The following VWF variants were observed in gnomAD, a reference collection of about 807,000 sequenced individuals.
The protein encoded by VWF is Factor VIII related antigen.
A neutral mutation model predicts 308.6 loss-of-function variants in VWF; 176 were observed. The observed-to-expected ratio is 0.57, with a 90% CI of 0.50 to 0.65. VWF has a LOEUF of 0.65. Ranked by LOEUF, VWF falls within the 30% of genes least tolerant of loss-of-function variation. The probability of loss-of-function intolerance (pLI) is 0.00; values close to 1 mark genes in which losing one functional copy is unlikely to be tolerated. For missense variants in VWF, 3,146 were observed against 3,648.2 expected (o/e 0.86, Z 3.55); for synonymous variants, 1,385 against 1,443.4 (o/e 0.96, Z 0.92).
At chr12:5,981,633 G>T (rs1943606523) in intron 42 of VWF, among the ~76,000 whole-genome samples, 153 bp downstream of exon 42, 3 of 152,080 alleles carry the variant, frequency 2.0e-5, no homozygotes, top group Admixed American at 2.0e-4. Flanking sequence ...TGCTGGGTAG[G>T]ATGCAAATCT....
In VWF at chr12:5,983,025, C is replaced by A. The variant is rs930958626; in HGVS notation, c.7081+125G>T. 5.9e-6 allele frequency: 6 copies of A among 1,012,388 alleles called. No homozygotes were observed. The South Asian group carries it at 7.0e-5, about 12-fold the overall frequency. 62.7% of individuals were successfully genotyped at this position (1,012,388 alleles called of 1,614,324 possible). A position where few individuals can be genotyped will look rare whatever the true frequency, so the allele number is the denominator to read the frequency against. On this transcript the variant is annotated intron_variant, in intron 41 of 51. Transcript: ENST00000261405. ...CCCTCTGTTCCAGATGTACTCCCAA[C>A]CCAGATTCAGCTAGGTAGAAAACAG...
At chr12:6,085,205 C>T (rs554314486) in intron 6 of VWF, among the ~76,000 whole-genome samples, 4 of 152,206 alleles carry the variant, frequency 2.6e-5, no homozygotes, top group Non-Finnish European at 5.9e-5. Flanking sequence ...CAGTCTAGGG[C>T]CTACCAAGCT....
In VWF at chr12:6,103,454, A is replaced by ATGTGTATATACACATATG. The variant is rs1443874871; in HGVS notation, c.532+6902_532+6919dup. Among the ~76,000 whole-genome samples the ATGTGTATATACACATATG allele has an allele frequency of 8.5e-5, 8 of 94,076 alleles. 1 individual carries two copies. Among genetic ancestry groups the ATGTGTATATACACATATG allele is most frequent in the Non-Finnish European group, 1.4e-4 (7 of 49,160 alleles). The allele number at this position is 94,076 out of a possible 152,430, so 61.7% of individuals were successfully genotyped here. ...CACGTGTGTATATACATACACATAT[A>ATGTGTATATACACATATG]TGTGTATATACACATATGTGTGTAT... On this transcript the variant is annotated intron_variant, in intron 5 of 51. Coordinates refer to ENST00000261405, the MANE Select transcript of VWF (RefSeq NM_000552.5).
chr12:6,043,796 A>G (rs1944417553), intron 18 of VWF, among the ~76,000 whole-genome samples: 1 of 152,222 alleles, frequency 6.6e-6, no homozygotes, highest in Non-Finnish European at 1.5e-5. Context: ...GAGGAAAACA[A>G]GTTTCATTGT....
chr12:6,069,066 A>G (rs140551742), intron 10 of VWF, among the ~76,000 whole-genome samples: 1 of 151,688 alleles, frequency 6.6e-6, no homozygotes, highest in South Asian at 2.1e-4. Context: ...CATGTTGCCC[A>G]GGCTGGTCTC....
At chr12:6,113,724 C>A (rs540396389) in intron 3 of VWF, among the ~76,000 whole-genome samples, 1 of 152,318 alleles carries the variant, frequency 6.6e-6, no homozygotes, top group Non-Finnish European at 1.5e-5. Context: ...TGTCGAAAAA[C>A]CAAACAAATG....
chr12:5,999,087 C>A (rs1219635154), intron 34 of VWF, among the ~76,000 whole-genome samples: 2 of 152,140 alleles, frequency 1.3e-5, no homozygotes. Flanking sequence ...AAATCCCACC[C>A]AGCAAAAATC....
At chr12:6,103,529 TATACACATATATGTATAC>T (rs1945206611) in intron 5 of VWF, among the ~76,000 whole-genome samples, 1 of 130,288 alleles carries the variant, frequency 7.7e-6, no homozygotes, top group South Asian at 2.7e-4. Flanking sequence ...CATATGTGTA[TATACACATATATGTATAC>T]ACACACACAC....
At chr12:5,951,644 G>A (rs1420205284) in intron 50 of VWF, among the ~76,000 whole-genome samples, 200 bp downstream of exon 50, 1 of 152,216 alleles carries the variant, frequency 6.6e-6, no homozygotes, top group Non-Finnish European at 1.5e-5. Context: ...GCAGTCTGAT[G>A]ACATCCAAGG....
intron 34 of VWF, among the ~76,000 whole-genome samples, chr12:5,997,713 T>G (rs1943821586): frequency 6.6e-6 from 1 of 152,232 alleles, no homozygotes; most frequent in Non-Finnish European, 1.5e-5. Context: ...TTCAATAGTT[T>G]GTAAATTGCT....
At chr12:6,103,417 TGTGTGTATACACAC>T (rs574965769) in intron 5 of VWF, among the ~76,000 whole-genome samples, 1,302 of 118,656 alleles carry the variant, frequency 0.011, 190 homozygotes, top group African/African-American at 0.067. Flanking sequence ...TATACACACG[TGTGTGTATACACAC>T]GTGTGTATAT....
At chr12:6,122,710 C>T (rs1484498024) in intron 2 of VWF, 2 of 519,266 alleles carry the variant, frequency 3.9e-6, no homozygotes, top group Non-Finnish European at 3.8e-6. Flanking sequence ...TGGCCTGGAA[C>T]CCAGGAAGAC....
intron 15 of VWF, 100 bp from the exon 16 acceptor site, chr12:6,052,883 T>C (rs796615944): frequency 4.8e-6 from 7 of 1,462,708 alleles, no homozygotes; most frequent in African/African-American, 1.4e-5. Flanking sequence ...CCCCCAATTA[T>C]TTAATTAAAA....
In VWF at chr12:6,016,762, G is replaced by A. The variant is rs1479360984; in HGVS notation, c.5162C>T (p.Ala1721Val). 1.9e-6 allele frequency: 3 copies of A among 1,614,202 alleles called. No homozygotes were observed. Among genetic ancestry groups the A allele is most frequent in the Non-Finnish European group, 2.5e-6 (3 of 1,180,052 alleles). The change falls in exon 29 of 52, where the codon GCC becomes GTC. Residue 1721 changes from alanine (A) to valine (V), a missense_variant. Physicochemically the swap from Ala to Val is moderately conservative, Grantham distance 64. Transcript: ENST00000261405. ...GTGCCTCGCTCACCCACCTATATTG[G>A]CTTTTGAAATGAAAGCCTTGGCGAA... is the stretch of plus-strand genomic sequence containing the variant. ...KSFAKAFISK[A>V]NIGPRLTQVS...
intron 34 of VWF, among the ~76,000 whole-genome samples, chr12:6,000,825 A>G (rs916591461): frequency 1.3e-5 from 2 of 151,544 alleles, no homozygotes; most frequent in East Asian, 3.8e-4. Flanking sequence ...AAAAAAAAAA[A>G]AAAAAAAAAG....
intron 5 of VWF, among the ~76,000 whole-genome samples, chr12:6,103,395 T>TACACACGTGTGTATAC (rs202145763): frequency 5.6e-5 from 6 of 106,644 alleles, no homozygotes; most frequent in Admixed American, 5.0e-4. Context: ...CGTGTGTGTA[T>TACACACGTGTGTATAC]ACACGTGTGT....
At chr12:6,034,999 A>G (rs991201439) in intron 19 of VWF, among the ~76,000 whole-genome samples, 173 bp from the exon 20 acceptor site, 6 of 152,166 alleles carry the variant, frequency 3.9e-5, no homozygotes, top group African/African-American at 1.4e-4. Flanking sequence ...TAGGCCCAGT[A>G]TGGTGCCCAG....
At chr12:6,069,447 C>T (rs1413792666) in intron 10 of VWF, among the ~76,000 whole-genome samples, 4 of 152,104 alleles carry the variant, frequency 2.6e-5, no homozygotes, top group African/African-American at 9.7e-5. Flanking sequence ...CTCCGGCCTG[C>T]TCCTCACTTT....
At chr12:6,107,771 G>A (rs1387298403) in intron 5 of VWF, among the ~76,000 whole-genome samples, 2 of 152,036 alleles carry the variant, frequency 1.3e-5, no homozygotes, top group African/African-American at 4.8e-5. Context: ...CCATTCTCCT[G>A]CCTCAGCTTC....
Sources: allele counts gnomAD v4.1 joint callset (sites outside exome capture counted in the v4.1 genomes callset), GRCh38; gene constraint gnomAD v4.1.1; transcripts MANE v1.5; gene names NCBI Gene and HGNC (gene_info 2026-07-23, HGNC 2026-07-21).